The following DOCK4 variants were observed in gnomAD, a reference collection of about 807,000 sequenced individuals.
DOCK4 encodes dedicator of cytokinesis protein 4.
Under a neutral mutation model 268.1 loss-of-function variants are expected in DOCK4, and 97 were observed. The observed-to-expected ratio is 0.36, with a 90% CI of 0.31 to 0.43. The LOEUF is 0.43. Ranked by LOEUF, DOCK4 falls within the 20% of genes least tolerant of loss-of-function variation. The probability of loss-of-function intolerance (pLI) is 1.00; values close to 1 mark genes in which losing one functional copy is unlikely to be tolerated. For synonymous variants in DOCK4, 954 were observed against 887.2 expected (o/e 1.08, Z -1.34); for missense variants, 2,145 against 2,455.7 (o/e 0.87, Z 2.67).
chr7:112,086,769 G>A (rs577826893), intron 1 of DOCK4, among the ~76,000 whole-genome samples: 26 of 152,108 alleles, frequency 1.7e-4, no homozygotes, highest in Admixed American at 6.6e-5. Flanking sequence ...TCCTGCCCAA[G>A]CACACTAAAT....
chr7:111,739,411 G>T lies in DOCK4; in HGVS notation c.5107C>A (p.Pro1703Thr), dbSNP rs769799255. The T allele has an allele frequency of 2.2e-5, 35 of 1,586,902 alleles. No homozygotes were observed. Among genetic ancestry groups the T allele is most frequent in the Non-Finnish European group, 2.9e-5 (34 of 1,166,734 alleles). ...TGGCACTGACCTCTGGCACTCGATG[G>T]AGCAGAACTTGTCACATTAGGTGAA... is the stretch of plus-strand genomic sequence containing the variant. ...SASPNVTSSA[P>T]SSARASPLLS... The change falls in exon 48 of 53, where the codon CCA (proline) becomes ACA (threonine). Residue 1703 changes from proline (P) to threonine (T), a missense_variant. Pro to Thr is a conservative substitution (Grantham distance 38). Transcript: ENST00000428084.
chr7:112,026,405 C>A (rs138644426), intron 1 of DOCK4, among the ~76,000 whole-genome samples: 3 of 152,160 alleles, frequency 2.0e-5, no homozygotes, highest in East Asian at 1.9e-4. Flanking sequence ...ACATCCCCCC[C>A]ACTCACCCTT....
At chr7:112,028,643 G>C (rs1803010305) in intron 1 of DOCK4, among the ~76,000 whole-genome samples, 1 of 152,194 alleles carries the variant, frequency 6.6e-6, no homozygotes, top group African/African-American at 2.4e-5. Flanking sequence ...CTTGGATCAA[G>C]CAAAATGGAA....
intron 8 of DOCK4, among the ~76,000 whole-genome samples, chr7:111,963,096 TAG>T (rs1797062583): frequency 6.6e-6 from 1 of 152,188 alleles, no homozygotes; most frequent in South Asian, 2.1e-4. Context: ...GATGAAGCCC[TAG>T]AGTACATCAG....
intron 23 of DOCK4, among the ~76,000 whole-genome samples, chr7:111,862,482 CTT>C (rs1168060750): frequency 4.2e-3 from 350 of 83,362 alleles, no homozygotes; most frequent in African/African-American, 0.017. Flanking sequence ...GAAAATCATT[CTT>C]TTTTTTTTTT....
chr7:111,749,488 T>A (rs1796491860), intron 42 of DOCK4, among the ~76,000 whole-genome samples: 1 of 152,178 alleles, frequency 6.6e-6, no homozygotes, highest in Non-Finnish European at 1.5e-5. Flanking sequence ...GTTACAATAG[T>A]AGGTTTTATG....
chr7:111,819,845 T>C (rs1801843838), intron 27 of DOCK4: 1 of 152,140 alleles, frequency 6.6e-6, no homozygotes, highest in Non-Finnish European at 1.5e-5. Flanking sequence ...AAATGCCCTT[T>C]GAGAGGCCCT....
At chr7:112,097,622 T>C (rs1405926334) in intron 1 of DOCK4, among the ~76,000 whole-genome samples, 2 of 152,200 alleles carry the variant, frequency 1.3e-5, no homozygotes, top group Non-Finnish European at 2.9e-5. Context: ...AAACATATGT[T>C]TGACTAATAT....
intron 32 of DOCK4, 104 bp downstream of exon 32, chr7:111,788,558 C>A: frequency 1.1e-6 from 1 of 897,418 alleles, no homozygotes; most frequent in Admixed American, 2.0e-5. Flanking sequence ...TCCTGTGAGA[C>A]CTAAGCTGTC....
At chr7:111,801,100 T>C (rs1181025363) in intron 30 of DOCK4, among the ~76,000 whole-genome samples, 3 of 152,214 alleles carry the variant, frequency 2.0e-5, no homozygotes, top group Admixed American at 6.5e-5. Context: ...TGGCGATTCC[T>C]ACCACCTGTG....
intron 22 of DOCK4, among the ~76,000 whole-genome samples, chr7:111,865,523 C>T (rs1488496963): frequency 6.6e-6 from 1 of 152,200 alleles, no homozygotes; most frequent in Non-Finnish European, 1.5e-5. Flanking sequence ...AAATTCAGAG[C>T]CAAATTTTAT....
At chr7:111,758,571 AG>A in intron 41 of DOCK4, 52 bp downstream of exon 41, 1 of 1,590,062 alleles carries the variant, frequency 6.3e-7, no homozygotes, top group South Asian at 1.1e-5. Context: ...CTGTGCCCCA[AG>A]GGGCTCGCAG....
At chr7:112,166,298 C>T (rs1015189377) in intron 1 of DOCK4, among the ~76,000 whole-genome samples, 3 of 152,018 alleles carry the variant, frequency 2.0e-5, no homozygotes, top group African/African-American at 7.2e-5. Context: ...TGGGGTATGA[C>T]TGACAAAAAA....
At chr7:112,107,527 T>C (rs890266566) in intron 1 of DOCK4, among the ~76,000 whole-genome samples, 14 of 152,222 alleles carry the variant, frequency 9.2e-5, no homozygotes, top group African/African-American at 2.7e-4. Context: ...TCCAGAACTA[T>C]GAGAAAATAA....
At chr7:111,989,851 G>C (rs113547961) in intron 5 of DOCK4, among the ~76,000 whole-genome samples, 1,690 of 152,316 alleles carry the variant, frequency 0.011, 44 homozygotes, top group African/African-American at 0.036. Context: ...TAGTGGTACA[G>C]ACTTTAAGTA....
rs750268898 is a variant in DOCK4, at chr7:112,101,845, C to CTTTTTCT, written c.38-97715_38-97714insAGAAAAA. On this transcript the variant is annotated intron_variant, in intron 1 of 52. Coordinates refer to ENST00000428084, the MANE Select transcript of DOCK4 (RefSeq NM_001363540.2). ...TCTGAGACCTTTTCTTTTTCTTTTT[C>CTTTTTCT]TTTTTTTTTTTTTTGAGACAAGAGT... Among the ~76,000 whole-genome samples the CTTTTTCT allele has an allele frequency of 1.6e-4, 24 of 146,370 alleles. No individual in the cohort carries two copies. In the East Asian group the frequency reaches 2.6e-3, roughly 16 times the overall value.
chr7:111,770,471 G>A (rs1213818986), intron 36 of DOCK4, among the ~76,000 whole-genome samples: 2 of 152,054 alleles, frequency 1.3e-5, no homozygotes, highest in Non-Finnish European at 2.9e-5. Context: ...AGAAACAAGG[G>A]GTGATTTTCC....
chr7:111,754,507 G>T (rs1200543724), intron 42 of DOCK4, among the ~76,000 whole-genome samples: 1 of 152,124 alleles, frequency 6.6e-6, no homozygotes, highest in Admixed American at 6.6e-5. Context: ...GAGAACTATG[G>T]CAATGAAAGG....
intron 4 of DOCK4, among the ~76,000 whole-genome samples, chr7:111,995,472 AG>A (rs1799886392): frequency 1.4e-5 from 2 of 142,426 alleles, no homozygotes; most frequent in Admixed American, 7.1e-5. Flanking sequence ...TGCAGGTGAA[AG>A]TGGTTTAGTG....
Sources: gnomAD v4.1 joint callset for allele counts (sites outside exome capture counted in the v4.1 genomes callset) on GRCh38, gnomAD v4.1.1 for gene constraint, MANE v1.5 for transcripts, NCBI Gene and HGNC (gene_info 2026-07-23, HGNC 2026-07-21) for gene names.